The following CDH12 variants were observed in gnomAD, a reference collection of about 807,000 sequenced individuals.
CDH12 encodes the protein cadherin-12.
CDH12 carries 41 observed loss-of-function variants against 74.1 expected under a neutral mutation model. The ratio of observed to expected loss-of-function variants is 0.55; its 90% confidence interval spans 0.43 to 0.72. The LOEUF (loss-of-function observed/expected upper bound fraction) is 0.72. Ranked by LOEUF, CDH12 falls within the 30% of genes least tolerant of loss-of-function variation. The probability of loss-of-function intolerance (pLI) is 0.00; values close to 1 mark genes in which losing one functional copy is unlikely to be tolerated. For missense variants in CDH12, 945 were observed against 977.2 expected (o/e 0.97, Z 0.44); for synonymous variants, 399 against 355.0 (o/e 1.12, Z -1.39).
At chr5:22,545,659 C>T (rs1269337785) in intron 1 of CDH12, among the ~76,000 whole-genome samples, 2 of 152,144 alleles carry the variant, frequency 1.3e-5, no homozygotes, top group Non-Finnish European at 2.9e-5. Context: ...GTATAATCAA[C>T]AATTACATTT....
chr5:21,944,422 T>G (rs982798252), intron 6 of CDH12, among the ~76,000 whole-genome samples: 1 of 152,198 alleles, frequency 6.6e-6, no homozygotes, highest in African/African-American at 2.4e-5. Flanking sequence ...ACATGCTATT[T>G]CACTCAGTCG....
chr5:22,763,217 CCTTT>C (rs1426588063), intron 1 of CDH12, among the ~76,000 whole-genome samples: 7 of 151,826 alleles, frequency 4.6e-5, no homozygotes, highest in African/African-American at 1.4e-4. Context: ...CTAGATTTTA[CCTTT>C]CTTTATCTAC....
intron 1 of CDH12, among the ~76,000 whole-genome samples, chr5:22,744,496 T>G (rs1745197156): frequency 6.6e-6 from 1 of 152,178 alleles, no homozygotes; most frequent in African/African-American, 2.4e-5. Flanking sequence ...GTTTAATTCA[T>G]CTCATTGATA....
At chr5:22,805,972 T>C (rs1748761872) in intron 1 of CDH12, among the ~76,000 whole-genome samples, 1 of 152,204 alleles carries the variant, frequency 6.6e-6, no homozygotes, top group African/African-American at 2.4e-5. Context: ...TCTGTGTCTC[T>C]GCAAAGGACA....
intron 1 of CDH12, among the ~76,000 whole-genome samples, chr5:22,643,266 G>A (rs1292181317): frequency 3.3e-5 from 5 of 152,104 alleles, no homozygotes; most frequent in Non-Finnish European, 7.4e-5. Context: ...TGGGTAGTCA[G>A]CTGGTTTCAC....
rs1473803831 is a variant in CDH12 at position 22,769,168 on chromosome 5, C to G, written c.-523+83890G>C. On this transcript the variant is annotated intron_variant, in intron 1 of 14. Coordinates refer to ENST00000382254, the MANE Select transcript of CDH12 (RefSeq NM_004061.5). ...GCTAAAAGATTGTTTCTGGGTATTT[C>G]TGTGATGGTGTTGCCAGAAGAAATT... Among the ~76,000 whole-genome samples, 8 of 152,088 alleles carry G rather than the reference C, an allele frequency of 5.3e-5. No individual in the cohort carries two copies. In the East Asian group the frequency reaches 1.5e-3, roughly 29 times the overall value.
intron 1 of CDH12, among the ~76,000 whole-genome samples, chr5:22,543,216 C>T (rs941221440): frequency 6.6e-6 from 1 of 152,024 alleles, no homozygotes; most frequent in African/African-American, 2.4e-5. Flanking sequence ...TGGGATAATA[C>T]ACATAAAACT....
chr5:22,642,501 A>G (rs1739203634), intron 1 of CDH12, among the ~76,000 whole-genome samples: 1 of 152,170 alleles, frequency 6.6e-6, no homozygotes. Flanking sequence ...TTGATATTAA[A>G]GAAAGGTAGC....
chr5:22,081,059 G>A (rs140266561), intron 4 of CDH12, among the ~76,000 whole-genome samples: 18 of 152,226 alleles, frequency 1.2e-4, no homozygotes, highest in African/African-American at 3.6e-4. Context: ...GATTACAGGC[G>A]TGAGCCACCT....
At chr5:22,631,700 A>T (rs1738594495) in intron 1 of CDH12, among the ~76,000 whole-genome samples, 1 of 152,186 alleles carries the variant, frequency 6.6e-6, no homozygotes, top group Non-Finnish European at 1.5e-5. Flanking sequence ...TGCAGGCTGT[A>T]TAGGAAGCAT....
At chr5:21,856,621 T>C (rs889902555) in intron 6 of CDH12, among the ~76,000 whole-genome samples, 2 of 151,848 alleles carry the variant, frequency 1.3e-5, no homozygotes, top group African/African-American at 4.8e-5. Context: ...TTTTTGTTTT[T>C]AATGTTTACA....
chr5:21,886,348 C>G (rs537596441), intron 6 of CDH12, among the ~76,000 whole-genome samples: 1 of 151,430 alleles, frequency 6.6e-6, no homozygotes, highest in Non-Finnish European at 1.5e-5. Flanking sequence ...AGCTTGTATG[C>G]TTAGATGTGT....
intron 1 of CDH12, among the ~76,000 whole-genome samples, chr5:22,713,669 G>T (rs1743415183): frequency 6.6e-6 from 1 of 152,040 alleles, no homozygotes; most frequent in South Asian, 2.1e-4. Context: ...TAAATAGGTA[G>T]ATAGATACAT....
At chr5:22,734,235 G>A (rs769281921) in intron 1 of CDH12, among the ~76,000 whole-genome samples, 7 of 151,730 alleles carry the variant, frequency 4.6e-5, no homozygotes, top group African/African-American at 1.7e-4. Context: ...ATTATTGATC[G>A]CCAACTGATT....
chr5:22,563,076 T>TTA (rs536093698), intron 1 of CDH12, among the ~76,000 whole-genome samples: 2,355 of 147,198 alleles, frequency 0.016, 46 homozygotes, highest in African/African-American at 0.051. Flanking sequence ...ATTTATATAT[T>TTA]TATATATATA....
chr5:22,824,348 A>C (rs769753130), intron 1 of CDH12, among the ~76,000 whole-genome samples: 1 of 152,158 alleles, frequency 6.6e-6, no homozygotes, highest in African/African-American at 2.4e-5. Flanking sequence ...TTTTACATAC[A>C]AGAAAAAATT....
At chr5:22,285,690 C>T (rs1036646792) in intron 3 of CDH12, among the ~76,000 whole-genome samples, 2 of 152,048 alleles carry the variant, frequency 1.3e-5, no homozygotes, top group African/African-American at 2.4e-5. Context: ...AAATTTTAGT[C>T]TTCATATCTA....
At chr5:21,814,037 C>G (rs188722762) in intron 9 of CDH12, among the ~76,000 whole-genome samples, 1 of 151,894 alleles carries the variant, frequency 6.6e-6, no homozygotes, top group African/African-American at 2.4e-5. Context: ...TCCAAAATAC[C>G]TGTTGAATGA....
chr5:21,822,693 T>C (rs1486856075), intron 8 of CDH12, among the ~76,000 whole-genome samples: 2 of 152,100 alleles, frequency 1.3e-5, no homozygotes, highest in Non-Finnish European at 2.9e-5. Flanking sequence ...TTTTTAAGTG[T>C]CAAGTATTTG....
Sources: gnomAD v4.1 joint callset for allele counts (sites outside exome capture counted in the v4.1 genomes callset) on GRCh38, gnomAD v4.1.1 for gene constraint, MANE v1.5 for transcripts, NCBI Gene and HGNC (gene_info 2026-07-23, HGNC 2026-07-21) for gene names.